TMX3: variants seen among roughly 807,000 people sequenced by gnomAD.
The protein encoded by TMX3 is thioredoxin related transmembrane protein 3.
A neutral mutation model predicts 64.4 loss-of-function variants in TMX3; 40 were observed. That is an observed-to-expected ratio of 0.62 (90% CI 0.48 to 0.81). TMX3 has a LOEUF of 0.81. TMX3 is among the 30% of genes least tolerant of loss of function. The pLI is 0.00. For missense variants in TMX3, 497 were observed against 534.5 expected (o/e 0.93, Z 0.69); for synonymous variants, 189 against 175.7 (o/e 1.08, Z -0.60).
intron 2 of TMX3, among the ~76,000 whole-genome samples, chr18:68,712,422 C>T (rs2031376633): frequency 6.6e-6 from 1 of 152,208 alleles, no homozygotes; most frequent in African/African-American, 2.4e-5. Context: ...CTTGCCCAAT[C>T]TGGGATCCTG....
intron 4 of TMX3, among the ~76,000 whole-genome samples, chr18:68,705,171 T>G (rs1461137635): frequency 6.6e-6 from 1 of 151,942 alleles, no homozygotes; most frequent in African/African-American, 2.4e-5. Flanking sequence ...TGGGCAGAGG[T>G]GAGGGAAGCT....
Position 68,711,393 on chromosome 18 carries a change from T to C in TMX3, c.112A>G (p.Asn38Asp), listed in dbSNP as rs781257003. The C allele has an allele frequency of 2.5e-6, 4 of 1,592,834 alleles. No individual in the cohort carries two copies. The highest frequency in any genetic ancestry group is 1.1e-5 in the South Asian group (1 of 88,280). The change falls in exon 3 of 16, where the codon AAT becomes GAT. Residue 38 changes from asparagine to aspartate, a missense_variant. Transcript: ENST00000299608. ...ACAAGCCAAATGTCATCATTTCGAT[T>C]TTCTTTAAACCTAAAAAACAAGAAA... is the stretch of plus-strand genomic sequence containing the variant. Reference protein sequence around the residue: ...VEDLDESFKENRNDDIWLVDF... With the variant: ...VEDLDESFKEDRNDDIWLVDF...
chr18:68,684,815 G>C (rs1156376492), intron 10 of TMX3, among the ~76,000 whole-genome samples: 1 of 151,972 alleles, frequency 6.6e-6, no homozygotes, highest in Non-Finnish European at 1.5e-5. Context: ...CCTACAAATT[G>C]GCTAAGATAA....
chr18:68,713,336 G>A (rs1335788089), intron 2 of TMX3, among the ~76,000 whole-genome samples: 2 of 152,170 alleles, frequency 1.3e-5, no homozygotes, highest in Non-Finnish European at 2.9e-5. Context: ...CTGGGAGGCC[G>A]AATCCTTGAC....
At chr18:68,686,681 T>G in intron 10 of TMX3, 2 of 972,144 alleles carry the variant, frequency 2.1e-6, no homozygotes, top group Non-Finnish European at 2.4e-6. Context: ...CACTCCAGCC[T>G]GGCGACAGAG....
At chr18:68,688,930 A>AG (rs1181085261) in intron 9 of TMX3, 1 of 152,210 alleles carries the variant, frequency 6.6e-6, no homozygotes, top group Non-Finnish European at 1.5e-5. Context: ...GGGCTAAAAA[A>AG]ACTACCTGTT....
chr18:68,704,712 T>C (rs999947752), intron 4 of TMX3, among the ~76,000 whole-genome samples: 3 of 152,222 alleles, frequency 2.0e-5, no homozygotes, highest in Non-Finnish European at 4.4e-5. Flanking sequence ...ACAAGAGTTA[T>C]AGCTTTGAAG....
At chr18:68,680,622 A>G (rs1324832682) in intron 14 of TMX3, among the ~76,000 whole-genome samples, 1 of 152,152 alleles carries the variant, frequency 6.6e-6, no homozygotes, top group Admixed American at 6.5e-5. Flanking sequence ...GAAACATACT[A>G]AGAGACAGGC....
intron 5 of TMX3, chr18:68,700,715 C>G (rs1321892699): frequency 2.1e-6 from 2 of 972,488 alleles, no homozygotes; most frequent in Admixed American, 6.2e-5. Context: ...ATATCTTACT[C>G]TGCATTTGAT....
Position 68,679,467 on chromosome 18 carries a change from A to G in TMX3, c.1100T>C (p.Ile367Thr). 1.2e-6 allele frequency: 2 copies of G among 1,611,658 alleles called. No homozygotes were observed. The highest frequency in any genetic ancestry group is 2.2e-5 in the East Asian group (1 of 44,774). Reference protein sequence around the residue: ...KRIVFDAKSTIVSIFKSSPLM... With the variant: ...KRIVFDAKSTTVSIFKSSPLM... The stretch of plus-strand genomic sequence containing the variant: ...ACATAAACTGTCACAACTTACCACA[A>G]TAGTAGATTTGGCATCAAATACTAT... The change falls in exon 15 of 16, where the codon ATT becomes ACT. Residue 367 changes from isoleucine (I) to threonine (T), a missense_variant. This residue lies in a region of TMX3 where 43 missense variants were observed against 75.3 expected (regional missense o/e 0.57). Coordinates refer to ENST00000299608, the MANE Select transcript of TMX3 (RefSeq NM_019022.5).
intron 12 of TMX3, 64 bp downstream of exon 12, chr18:68,684,126 T>C: frequency 8.1e-7 from 1 of 1,233,770 alleles, no homozygotes; most frequent in African/African-American, 1.5e-5. Flanking sequence ...CTAAGTTTGC[T>C]TTACTAAATT....
chr18:68,712,188 G>A (rs1280305851), intron 2 of TMX3, among the ~76,000 whole-genome samples: 1 of 152,122 alleles, frequency 6.6e-6, no homozygotes, highest in African/African-American at 2.4e-5. Flanking sequence ...ACATAGGAAT[G>A]GCTAAGCGAA....
Position 68,676,887 on chromosome 18 carries a change from C to T in TMX3, c.*46G>A. On this transcript the variant is annotated 3_prime_UTR_variant, in exon 16 of 16. Transcript: ENST00000299608. ...AATGTCTAAATTCAATAAATAGACT[C>T]TTTAATAATTTGAAGTCCTAACAAA... 6.4e-7 allele frequency: 1 copy of T among 1,570,020 alleles called. No individual in the cohort carries two copies. The highest frequency in any genetic ancestry group is 8.6e-7 in the Non-Finnish European group (1 of 1,158,446).
In TMX3 at chr18:68,687,613, A is replaced by G; in HGVS notation, c.736+54T>C. 4.5e-6 allele frequency: 7 copies of G among 1,548,186 alleles called. No homozygotes were observed. The South Asian group carries it at 6.3e-5, about 14-fold the overall frequency. Reference sequence around the variant, plus strand: ...ATTTCCTACAAAATAAGATTTTTAAATAATCAAAGAAAAATCATGTAACAT... The same window carrying G: ...ATTTCCTACAAAATAAGATTTTTAAGTAATCAAAGAAAAATCATGTAACAT... On this transcript the variant is annotated intron_variant, in intron 10 of 15. Transcript: ENST00000299608.
chr18:68,694,682 C>T (rs180839675), intron 8 of TMX3, among the ~76,000 whole-genome samples: 9 of 152,172 alleles, frequency 5.9e-5, no homozygotes, highest in Admixed American at 1.3e-4. Context: ...CTAAGGATCC[C>T]GTGACATTAA....
In TMX3 at chr18:68,697,261, A is replaced by G; in HGVS notation, c.535T>C (p.Tyr179His). The change falls in exon 8 of 16, where the codon TAC (tyrosine) becomes CAC (histidine). Residue 179 changes from tyrosine to histidine, a missense_variant. By Grantham distance (83) the Tyr-to-His change is moderately conservative (BLOSUM62 2). Coordinates refer to ENST00000299608, the MANE Select transcript of TMX3 (RefSeq NM_019022.5). The part of the protein sequence containing the change: ...DAASELIVYT[Y>H]FFSASEEVVP... ...ACTTCTTCTGAGGCAGAAAAGAAGT[A>G]TGTATATACAATCAATTCTGAAGCA... is the stretch of plus-strand genomic sequence containing the variant. The G allele has an allele frequency of 6.3e-7, 1 of 1,582,190 alleles. No individual in the cohort carries two copies. Among genetic ancestry groups the G allele is most frequent in the Non-Finnish European group, 8.6e-7 (1 of 1,162,446 alleles).
chr18:68,681,606 G>A, intron 13 of TMX3: 4 of 985,412 alleles, frequency 4.1e-6, no homozygotes, highest in Non-Finnish European at 4.8e-6. Context: ...TTTAGCTGAA[G>A]ATGATGAATG....
intron 2 of TMX3, 35 bp from the exon 3 acceptor site, chr18:68,711,438 T>C (rs1223436732): frequency 6.6e-7 from 1 of 1,506,582 alleles, no homozygotes; most frequent in African/African-American, 1.4e-5. Flanking sequence ...TGATTGTATG[T>C]TTGTGTCCAC....
chr18:68,714,897 A>ACGCGCCCGCCAGCGT, intron 1 of TMX3, 39 bp downstream of exon 1: 1 of 1,548,354 alleles, frequency 6.5e-7, no homozygotes, highest in Non-Finnish European at 8.7e-7. Context: ...GCCAGGTCCC[A>ACGCGCCCGCCAGCGT]CGCGCCCGCC....
Sources: allele counts gnomAD v4.1 joint callset (sites outside exome capture counted in the v4.1 genomes callset), GRCh38; gene constraint gnomAD v4.1.1; regional missense constraint gnomAD v4.1.1; transcripts MANE v1.5; gene names NCBI Gene and HGNC (gene_info 2026-07-23, HGNC 2026-07-21).